Variants in VPS13B observed in about 807,000 individuals in gnomAD.
The protein encoded by VPS13B is vacuolar protein sorting 13 homolog B, also known as intermembrane lipid transfer protein VPS13B.
VPS13B carries 285 observed loss-of-function variants against 426.4 expected under a neutral mutation model. The observed-to-expected ratio is 0.67, with a 90% CI of 0.61 to 0.74. VPS13B has a LOEUF of 0.74. Among genes scored for constraint, VPS13B ranks in the 30% least tolerant of loss-of-function variants. VPS13B has a pLI of 0.00. For missense variants in VPS13B, 4,537 were observed against 4,782.6 expected (o/e 0.95, Z 1.51); for synonymous variants, 1,676 against 1,676.4 (o/e 1.00, Z 0.01).
In VPS13B at chr8:99,511,124, T is replaced by C. The variant is rs1821769882; in HGVS notation, c.4245T>C (p.Asp1415=). 1.2e-6 allele frequency: 2 copies of C among 1,613,234 alleles called. No individual in the cohort carries two copies. The highest frequency in any genetic ancestry group is 2.2e-5 in the East Asian group (1 of 44,864). Residue 1415 remains aspartate (D), a synonymous_variant, in exon 29 of 62, where the codon GAT becomes GAC. Transcript: ENST00000357162. ...EKSVTTTKLL[D]GTHQQHGFLS... ...AACAGACAACTACAAAACTTCTAGA[T>C]GGCACTCATCAGCAGCATGGATTCC...
chr8:99,163,239 G>A lies in VPS13B; in HGVS notation c.2208+6496G>A, dbSNP rs549962054. Among the ~76,000 whole-genome samples the A allele has an allele frequency of 8.5e-5, 13 of 152,308 alleles. No individual in the cohort carries two copies. The South Asian group carries it at 2.7e-3, about 32-fold the overall frequency. ...CGATTGGTGCATTCACAAACCTTGA[G>A]CTAAACACAGGGTGCTGATTGGTGT... On this transcript the variant is annotated intron_variant, in intron 15 of 61. Coordinates refer to ENST00000357162, the MANE Select transcript of VPS13B (RefSeq NM_152564.5).
At chr8:99,759,320 C>T (rs1563903552) in intron 39 of VPS13B, among the ~76,000 whole-genome samples, 1 of 152,136 alleles carries the variant, frequency 6.6e-6, no homozygotes, top group Non-Finnish European at 1.5e-5. Context: ...GCTCTCTGTC[C>T]TGCTTATTCA....
intron 54 of VPS13B, among the ~76,000 whole-genome samples, chr8:99,843,847 A>G (rs1175138980): frequency 6.7e-6 from 1 of 150,334 alleles, no homozygotes; most frequent in Non-Finnish European, 1.5e-5. Context: ...GTTTGTAAGT[A>G]TATAGGGCAG....
intron 34 of VPS13B, among the ~76,000 whole-genome samples, chr8:99,661,144 C>T (rs1405507357): frequency 6.6e-6 from 1 of 151,994 alleles, no homozygotes; most frequent in South Asian, 2.1e-4. Flanking sequence ...TTCTGGAAAA[C>T]ATGGTTTTGT....
intron 17 of VPS13B, among the ~76,000 whole-genome samples, chr8:99,203,719 A>G (rs183314044): frequency 3.9e-4 from 60 of 152,344 alleles, no homozygotes; most frequent in Admixed American, 4.6e-4. Context: ...TACACCAATA[A>G]TAGACAAACA....
chr8:99,604,494 TG>T (rs1452585296), intron 33 of VPS13B, among the ~76,000 whole-genome samples: 2 of 145,808 alleles, frequency 1.4e-5, no homozygotes, highest in African/African-American at 5.1e-5. Context: ...GTTTCCTTGG[TG>T]TTTTTTTTTT....
chr8:99,805,827 G>A (rs915859076), intron 43 of VPS13B, among the ~76,000 whole-genome samples: 9 of 152,076 alleles, frequency 5.9e-5, no homozygotes, highest in African/African-American at 2.2e-4. Context: ...TCCCCCCACC[G>A]TGGAAAATAT....
chr8:99,189,245 G>A (rs1039216030), intron 16 of VPS13B, among the ~76,000 whole-genome samples: 4 of 152,152 alleles, frequency 2.6e-5, no homozygotes, highest in Non-Finnish European at 4.4e-5. Context: ...CACCGCGCCC[G>A]GCCAAAGTTC....
intron 23 of VPS13B, among the ~76,000 whole-genome samples, chr8:99,458,690 T>C (rs1818656274): frequency 1.3e-5 from 2 of 152,386 alleles, no homozygotes; most frequent in South Asian, 4.1e-4. Flanking sequence ...CATGTTTTCA[T>C]GTGTCTTTTG....
In VPS13B at chr8:99,233,824, C is replaced by T. The variant is rs538750013; in HGVS notation, c.2516-40374C>T. On this transcript the variant is annotated intron_variant, in intron 17 of 61. Coordinates refer to ENST00000357162, the MANE Select transcript of VPS13B (RefSeq NM_152564.5). ...TGTGGGCCACGATTTTCAGAGGAAT[C>T]TCTTCGGCTAGTTTGGTCTCATCTG... 549 of 778,700 alleles carry T rather than the reference C, an allele frequency of 7.1e-4. 5 individuals are homozygous for T. In the Admixed American group the frequency reaches 9.2e-3, roughly 13 times the overall value. The allele number at this position is 778,700 out of a possible 1,614,324, so 48.2% of individuals were successfully genotyped here. A position where few individuals can be genotyped will look rare whatever the true frequency, so the allele number is the denominator to read the frequency against.
At chr8:99,237,106 C>T (rs1816691546) in intron 17 of VPS13B, among the ~76,000 whole-genome samples, 1 of 152,154 alleles carries the variant, frequency 6.6e-6, no homozygotes, top group African/African-American at 2.4e-5. Context: ...CTTGCTCCTC[C>T]TTGCCTTCCC....
chr8:99,180,635 A>G (rs910098198), intron 16 of VPS13B, among the ~76,000 whole-genome samples: 4 of 152,188 alleles, frequency 2.6e-5, no homozygotes, highest in Admixed American at 6.5e-5. Flanking sequence ...AATGGCAGCC[A>G]TACAAAGATT....
chr8:99,875,354 C>CTAAT (rs1817647984), intron 61 of VPS13B, 64 bp from the exon 62 acceptor site: 5 of 1,610,556 alleles, frequency 3.1e-6, no homozygotes, highest in African/African-American at 1.3e-5. Flanking sequence ...GGCAAAAGAA[C>CTAAT]TAATTTTGTT....
At chr8:99,234,457 A>G (rs564283801) in intron 17 of VPS13B, 43 of 600,758 alleles carry the variant, frequency 7.2e-5, no homozygotes, top group Non-Finnish European at 1.2e-4. Context: ...ATTCCACTTT[A>G]CCTTGGCCTC....
At chr8:99,033,547 T>C (rs761727344) in intron 2 of VPS13B, among the ~76,000 whole-genome samples, 31 of 152,226 alleles carry the variant, frequency 2.0e-4, no homozygotes, top group Non-Finnish European at 4.0e-4. Flanking sequence ...AATTTGTTTT[T>C]ATTGACATTT....
intron 22 of VPS13B, among the ~76,000 whole-genome samples, chr8:99,438,588 A>G (rs890804367): frequency 1.3e-5 from 2 of 152,092 alleles, no homozygotes; most frequent in African/African-American, 4.8e-5. Flanking sequence ...TTTATGGAAA[A>G]AGTGTGAAGA....
At chr8:99,152,667 G>T (rs934922349) in intron 14 of VPS13B, among the ~76,000 whole-genome samples, 1 of 152,096 alleles carries the variant, frequency 6.6e-6, no homozygotes, top group Non-Finnish European at 1.5e-5. Context: ...TTTTGGCACT[G>T]TGTCTTTAGG....
Position 99,481,624 on chromosome 8 carries a change from A to T in VPS13B, c.3692A>T (p.Asp1231Val). ...PQVQLFYELT[D>V]IMNKVWNKIQ... ...GTCCAGCTCTTCTATGAACTAACTG[A>T]TATCATGAATAAGGTCTGGAACAAG... Residue 1231 changes from aspartate (D) to valine (V), a missense_variant, in exon 25 of 62, where the codon GAT (aspartate) becomes GTT (valine). Coordinates refer to ENST00000357162, the MANE Select transcript of VPS13B (RefSeq NM_152564.5). 6.2e-7 allele frequency: 1 copy of T among 1,613,882 alleles called. No individual in the cohort carries two copies. Among genetic ancestry groups the T allele is most frequent in the Middle Eastern group, 1.7e-4 (1 of 6,052 alleles).
chr8:99,407,691 T>A (rs1244176934), intron 21 of VPS13B, among the ~76,000 whole-genome samples: 2 of 152,188 alleles, frequency 1.3e-5, no homozygotes, highest in Non-Finnish European at 2.9e-5. Flanking sequence ...TATTATACTT[T>A]AAGTTCTAGG....
Sources: allele counts gnomAD v4.1 joint callset (sites outside exome capture counted in the v4.1 genomes callset), GRCh38; gene constraint gnomAD v4.1.1; transcripts MANE v1.5; gene names NCBI Gene and HGNC (gene_info 2026-07-23, HGNC 2026-07-21).